HMGN5: variants seen among roughly 807,000 people sequenced by gnomAD.
The protein encoded by HMGN5 is high mobility group nucleosome-binding domain-containing protein 5.
Under a neutral mutation model 9.5 loss-of-function variants are expected in HMGN5, and 4 were observed. That is an observed-to-expected ratio of 0.42 (90% CI 0.21 to 0.96). HMGN5 has a LOEUF of 0.96. Among genes scored for constraint, HMGN5 ranks in the 40% least tolerant of loss-of-function variants. The pLI is 0.30. For missense variants in HMGN5, 192 were observed against 187.5 expected, an observed-to-expected ratio of 1.02 and a Z score of -0.14; for synonymous variants, 55 against 57.1, an observed-to-expected ratio of 0.96 and a Z score of 0.16.
At chrX:81,187,819 C>A (rs2147649039) in intron 1 of HMGN5, among the ~76,000 whole-genome samples, 1 of 110,200 alleles carries the variant, frequency 9.1e-6, no homozygotes, top group African/African-American at 3.3e-5. Context: ...AGGTGATTTT[C>A]TTTGATTGTA....
At position 81,118,500 on chromosome X, in the gene HMGN5, G is replaced by T; in HGVS notation, c.76-15C>A. ...GGCACAAGCATCTGCTTCAAGTTGT[G>T]GGAAAAGAAAAGAAAAGGAAAAAAA... On this transcript the variant is annotated splice_polypyrimidine_tract_variant and intron_variant, in intron 4 of 6. Transcript: ENST00000358130. The T allele has an allele frequency of 1.7e-6, 2 of 1,147,620 alleles. No individual in the cohort carries two copies. The highest frequency in any genetic ancestry group is 2.3e-6 in the Non-Finnish European group (2 of 852,350). The allele number at this position is 1,147,620 out of a possible 1,213,427, so 94.6% of individuals were successfully genotyped here.
intron 1 of HMGN5, among the ~76,000 whole-genome samples, chrX:81,140,281 C>A (rs2075324366): frequency 9.0e-6 from 1 of 111,335 alleles, no homozygotes; most frequent in Non-Finnish European, 1.9e-5. Flanking sequence ...GGACTCAGGG[C>A]CGCGTGCGGT....
At chrX:81,131,518 G>T (rs757655146) in intron 1 of HMGN5, among the ~76,000 whole-genome samples, 4 of 111,166 alleles carry the variant, frequency 3.6e-5, no homozygotes, top group Non-Finnish European at 7.6e-5. Flanking sequence ...GCAAACAAGG[G>T]CAGATATGAA....
intron 1 of HMGN5, among the ~76,000 whole-genome samples, chrX:81,141,968 G>T (rs762359440): frequency 2.7e-5 from 3 of 112,006 alleles, no homozygotes; most frequent in African/African-American, 9.7e-5. Flanking sequence ...ATAACACAGA[G>T]AAGGAATTCA....
intron 1 of HMGN5, among the ~76,000 whole-genome samples, chrX:81,159,632 A>G (rs962295534): frequency 2.7e-5 from 3 of 110,467 alleles, no homozygotes; most frequent in Non-Finnish European, 5.7e-5. Flanking sequence ...GGTAAACAAA[A>G]GTTTTAGGAT....
At chrX:81,198,140 C>T (rs749747034) in intron 1 of HMGN5, among the ~76,000 whole-genome samples, 1 of 111,297 alleles carries the variant, frequency 9.0e-6, no homozygotes, top group South Asian at 3.8e-4. Flanking sequence ...TGGGGGAGCA[C>T]TAAGTAAGAT....
chrX:81,176,857 T>C (rs1206263801), intron 1 of HMGN5, among the ~76,000 whole-genome samples: 2 of 111,555 alleles, frequency 1.8e-5, no homozygotes, highest in Non-Finnish European at 3.8e-5. Context: ...GAAAACACTC[T>C]GCAGGATATT....
chrX:81,160,575 T>C (rs773061802), intron 1 of HMGN5, among the ~76,000 whole-genome samples: 1 of 110,675 alleles, frequency 9.0e-6, no homozygotes, highest in Admixed American at 9.7e-5. Flanking sequence ...CCTGTGTCCA[T>C]GTGTTCTCAT....
chrX:81,137,755 A>G (rs1035668220), intron 1 of HMGN5, among the ~76,000 whole-genome samples: 2 of 111,951 alleles, frequency 1.8e-5, no homozygotes, highest in Non-Finnish European at 3.8e-5. Flanking sequence ...AAATTGATAC[A>G]ATTAAAAGCT....
intron 1 of HMGN5, among the ~76,000 whole-genome samples, chrX:81,162,404 T>C (rs928673682): frequency 5.5e-5 from 6 of 109,291 alleles, no homozygotes; most frequent in Non-Finnish European, 1.1e-4. Context: ...ATAAGCTTTT[T>C]TTATGAAACA....
chrX:81,114,917 TCTC>T lies in HMGN5; in HGVS notation c.578_580del (p.Gly193del). 8.6e-7 allele frequency: 1 copy of T among 1,163,229 alleles called. No homozygotes were observed. Among genetic ancestry groups the T allele is most frequent in the Non-Finnish European group, 1.1e-6 (1 of 872,025 alleles). On this transcript the variant is annotated inframe_deletion, in exon 7 of 7. Transcript: ENST00000358130. The stretch of plus-strand genomic sequence containing the variant: ...TCTGTCTTCTTCCTCTTTTTCATCT[TCTC>T]CTTTCTCTTTTCCATCTTCTCCATT...
intron 1 of HMGN5, among the ~76,000 whole-genome samples, chrX:81,136,307 C>CT (rs1234411002): frequency 9.0e-6 from 1 of 111,723 alleles, no homozygotes. Context: ...AATAAATTCC[C>CT]TTTTTCCTTG....
At chrX:81,175,575 A>C (rs2075439199) in intron 1 of HMGN5, among the ~76,000 whole-genome samples, 1 of 111,525 alleles carries the variant, frequency 9.0e-6, no homozygotes, top group Non-Finnish European at 1.9e-5. Context: ...TCACTTAAAT[A>C]TATTGATTCC....
chrX:81,118,543 A>T (rs2075260583), intron 4 of HMGN5, 58 bp from the exon 5 acceptor site: 1 of 975,438 alleles, frequency 1.0e-6, no homozygotes, highest in Non-Finnish European at 1.4e-6. Context: ...TGAAGAAAGA[A>T]CGCTAAAAAT....
intron 1 of HMGN5, among the ~76,000 whole-genome samples, chrX:81,157,966 G>C (rs1315981778): frequency 1.8e-5 from 2 of 110,256 alleles, no homozygotes; most frequent in Non-Finnish European, 3.8e-5. Flanking sequence ...ATTTTCAGTA[G>C]AGACGGGGCT....
Position 81,161,621 on chromosome X carries a change from C to G in HMGN5, c.-123-39949G>C, listed in dbSNP as rs1235507942. 2.7e-5 allele frequency among the ~76,000 whole-genome samples: 3 copies of G among 110,524 alleles called. No homozygotes were observed. The Admixed American group carries it at 2.9e-4, about 11-fold the overall frequency. ...AGGAAGCAGAGGAGTACGAAAGACTCTTGAAGAGAGTGATAGAAAAAAGCC... is the reference window on the plus strand; with the variant it reads ...AGGAAGCAGAGGAGTACGAAAGACTGTTGAAGAGAGTGATAGAAAAAAGCC... On this transcript the variant is annotated intron_variant, in intron 1 of 6. Coordinates refer to ENST00000358130, the MANE Select transcript of HMGN5 (RefSeq NM_030763.3).
chrX:81,167,899 A>G (rs2075415654), intron 1 of HMGN5, among the ~76,000 whole-genome samples: 1 of 111,948 alleles, frequency 8.9e-6, no homozygotes, highest in Non-Finnish European at 1.9e-5. Flanking sequence ...TTTGTTTGCC[A>G]GGGGTGAATG....
intron 1 of HMGN5, among the ~76,000 whole-genome samples, chrX:81,189,655 C>T (rs1473152295): frequency 1.8e-5 from 2 of 111,929 alleles, no homozygotes; most frequent in South Asian, 3.7e-4. Flanking sequence ...TATTTGCTTC[C>T]AAGTGTAGGC....
At chrX:81,152,063 C>T in intron 1 of HMGN5, among the ~76,000 whole-genome samples, 1 of 111,714 alleles carries the variant, frequency 9.0e-6, no homozygotes, top group Non-Finnish European at 1.9e-5. Context: ...CTAGGCATTA[C>T]CATTCAGGAC....
Sources: allele counts gnomAD v4.1 joint callset (sites outside exome capture counted in the v4.1 genomes callset), GRCh38; gene constraint gnomAD v4.1.1; transcripts MANE v1.5; gene names NCBI Gene and HGNC (gene_info 2026-07-23, HGNC 2026-07-21).